The following SUGCT variants were observed in gnomAD, a reference collection of about 807,000 sequenced individuals.
SUGCT encodes succinyl-CoA:glutarate CoA-transferase.
SUGCT carries 41 observed loss-of-function variants against 55.0 expected under a neutral mutation model. The ratio of observed to expected loss-of-function variants is 0.74; its 90% CI spans 0.58 to 0.97. SUGCT has a LOEUF of 0.97. Among genes scored for constraint, SUGCT ranks in the 50% least tolerant of loss-of-function variants. The pLI is 0.00. For missense variants in SUGCT, 568 were observed against 547.8 expected (o/e 1.04, Z -0.37); for synonymous variants, 187 against 200.4 (o/e 0.93, Z 0.56).
At chr7:40,176,645 GT>G (rs371037652) in intron 1 of SUGCT, among the ~76,000 whole-genome samples, 2 of 144,260 alleles carry the variant, frequency 1.4e-5, no homozygotes, top group African/African-American at 5.1e-5. Flanking sequence ...TGATTATTTT[GT>G]TTTTTTTTTA....
chr7:40,496,191 A>G (rs896163835), intron 11 of SUGCT, 93 bp from the exon 12 acceptor site: 1 of 732,246 alleles, frequency 1.4e-6, no homozygotes, highest in Non-Finnish European at 2.3e-6. Context: ...TAGTTTTATG[A>G]CTATTGCTTG....
At chr7:40,184,279 GTTTTA>G (rs1584278728) in intron 3 of SUGCT, among the ~76,000 whole-genome samples, 3 of 151,880 alleles carry the variant, frequency 2.0e-5, no homozygotes, top group Non-Finnish European at 4.4e-5. Flanking sequence ...TAAACAGCTT[GTTTTA>G]TTTTATTTTT....
intron 6 of SUGCT, among the ~76,000 whole-genome samples, chr7:40,237,033 A>T (rs752498199): frequency 6.6e-6 from 1 of 151,776 alleles, no homozygotes; most frequent in South Asian, 2.1e-4. Context: ...GGGTTTCACC[A>T]TGTTGGCCAG....
chr7:40,390,032 A>C (rs978137380), intron 9 of SUGCT, among the ~76,000 whole-genome samples: 10 of 152,170 alleles, frequency 6.6e-5, no homozygotes, highest in African/African-American at 2.4e-4. Flanking sequence ...AAAGACAAAA[A>C]CCACATGATT....
intron 13 of SUGCT, among the ~76,000 whole-genome samples, chr7:40,836,058 A>C (rs1792957260): frequency 7.2e-6 from 1 of 138,046 alleles, no homozygotes; most frequent in Non-Finnish European, 1.6e-5. Context: ...ATGCCTACTA[A>C]TTTTTTAATT....
the SUGCT span, among the ~76,000 whole-genome samples, chr7:40,886,423 G>T: frequency 6.6e-6 from 1 of 152,140 alleles, no homozygotes; most frequent in Non-Finnish European, 1.5e-5. Context: ...TAGATTCAGG[G>T]TATTCATGAG....
the SUGCT span, among the ~76,000 whole-genome samples, chr7:40,899,331 G>C: frequency 3.9e-5 from 6 of 152,126 alleles, no homozygotes; most frequent in Admixed American, 3.3e-4. Flanking sequence ...TTACCCCTCC[G>C]CCTCCCATTT....
At chr7:40,298,182 T>A (rs1472480183) in intron 8 of SUGCT, among the ~76,000 whole-genome samples, 2 of 151,238 alleles carry the variant, frequency 1.3e-5, no homozygotes, top group East Asian at 1.9e-4. Context: ...TATTTTTGAG[T>A]ATCTTGATTT....
At position 40,539,726 on chromosome 7, in the gene SUGCT, A is replaced by G. The variant is rs546457281; in HGVS notation, c.1089+43340A>G. The G allele has an allele frequency of 2.0e-5, 3 of 152,368 alleles. No individual in the cohort carries two copies. In the East Asian group the frequency reaches 5.8e-4, roughly 29 times the overall value. 9.4% of individuals were successfully genotyped at this position (152,368 alleles called of 1,614,324 possible). A position where few individuals can be genotyped will look rare whatever the true frequency, so the allele number is the denominator to read the frequency against. ...GGTGGAAATCTCTTAATGATATTGT[A>G]CAAAGTAAAAAATTTTGCCAACATC... On this transcript the variant is annotated intron_variant, in intron 12 of 13. Transcript: ENST00000335693.
At chr7:40,967,761 G>A in the SUGCT span, among the ~76,000 whole-genome samples, 1 of 151,884 alleles carries the variant, frequency 6.6e-6, no homozygotes. Context: ...GCTGGGAATA[G>A]AGGTGCCCGC....
chr7:40,804,014 A>G (rs1036180855), intron 13 of SUGCT, among the ~76,000 whole-genome samples: 1 of 152,194 alleles, frequency 6.6e-6, no homozygotes, highest in Non-Finnish European at 1.5e-5. Context: ...AAAGCAGTCT[A>G]TGGTAGTATG....
chr7:40,855,758 G>A (rs139603174), intron 13 of SUGCT, among the ~76,000 whole-genome samples: 193 of 152,228 alleles, frequency 1.3e-3, no homozygotes, highest in African/African-American at 4.4e-3. Context: ...CAGTCTTTAC[G>A]ACATGGATTC....
intron 12 of SUGCT, among the ~76,000 whole-genome samples, chr7:40,748,856 C>G (rs528603436): frequency 1.3e-5 from 2 of 152,196 alleles, no homozygotes; most frequent in South Asian, 4.2e-4. Context: ...TGCTTCTGAC[C>G]TGGGTCTCCT....
At chr7:40,507,080 T>C (rs1184603645) in intron 12 of SUGCT, among the ~76,000 whole-genome samples, 1 of 149,636 alleles carries the variant, frequency 6.7e-6, no homozygotes, top group Non-Finnish European at 1.5e-5. Context: ...GTTGCCAGCT[T>C]TCTTCTTTCT....
chr7:40,556,911 G>C lies in SUGCT; in HGVS notation c.1089+60525G>C, dbSNP rs191634031. 3.9e-5 allele frequency among the ~76,000 whole-genome samples: 6 copies of C among 152,318 alleles called. No individual in the cohort carries two copies. In the East Asian group the frequency reaches 9.6e-4, roughly 24 times the overall value. On this transcript the variant is annotated intron_variant, in intron 12 of 13. Coordinates refer to ENST00000335693, the MANE Select transcript of SUGCT (RefSeq NM_001193313.2). ...TCTTGTGATTATGGATTGGAAGGCT[G>C]TATTAGTCAGATGATTCTACTACTC...
chr7:40,650,180 G>A (rs1363465229), intron 12 of SUGCT, among the ~76,000 whole-genome samples: 1 of 152,198 alleles, frequency 6.6e-6, no homozygotes, highest in Non-Finnish European at 1.5e-5. Flanking sequence ...CAGTTTTGCA[G>A]GTGACAACAT....
Position 40,726,593 on chromosome 7 carries a change from T to A in SUGCT, c.1090-22841T>A, listed in dbSNP as rs1201522413. On this transcript the variant is annotated intron_variant, in intron 12 of 13. Transcript: ENST00000335693. Reference sequence around the variant, plus strand: ...TGCATACTTAAGACACTTAACAGTTTCTTAGGTGTTTATAAAGGCCAATAT... The same window carrying A: ...TGCATACTTAAGACACTTAACAGTTACTTAGGTGTTTATAAAGGCCAATAT... Among the ~76,000 whole-genome samples, 2 of 152,148 alleles carry A rather than the reference T, an allele frequency of 1.3e-5. 1 individual carries two copies. Among genetic ancestry groups the A allele is most frequent in the Admixed American group, 1.3e-4 (2 of 15,278 alleles).
At chr7:40,694,794 A>G (rs559654542) in intron 12 of SUGCT, among the ~76,000 whole-genome samples, 1 of 152,324 alleles carries the variant, frequency 6.6e-6, no homozygotes, top group South Asian at 2.1e-4. Flanking sequence ...TCCCTCTTTT[A>G]AAAAGACATC....
the SUGCT span, among the ~76,000 whole-genome samples, chr7:40,940,644 G>A: frequency 6.6e-6 from 1 of 151,906 alleles, no homozygotes; most frequent in Non-Finnish European, 1.5e-5. Context: ...TGCAGCTATT[G>A]TAAAGAAGGA....
Sources: allele counts gnomAD v4.1 joint callset (sites outside exome capture counted in the v4.1 genomes callset), GRCh38; gene constraint gnomAD v4.1.1; transcripts MANE v1.5; gene names NCBI Gene and HGNC (gene_info 2026-07-23, HGNC 2026-07-21).